MACROD2: variants seen among roughly 807,000 people sequenced by gnomAD.
MACROD2 encodes the protein mono-ADP ribosylhydrolase 2.
In MACROD2, 36 loss-of-function variants were observed where a neutral mutation model predicts 70.4. The ratio of observed to expected loss-of-function variants is 0.51; its 90% confidence interval spans 0.39 to 0.68. The LOEUF (loss-of-function observed/expected upper bound fraction) is 0.68. Ranked by LOEUF, MACROD2 falls within the 30% of genes least tolerant of loss-of-function variation. The pLI, the probability that MACROD2 is intolerant of heterozygous loss-of-function variation, is 0.00. For synonymous variants in MACROD2, 172 were observed against 178.8 expected, an observed-to-expected ratio of 0.96 and a Z score of 0.30; for missense variants, 496 against 538.4, an observed-to-expected ratio of 0.92 and a Z score of 0.78.
chr20:15,015,217 T>A (rs1356598748), intron 5 of MACROD2, among the ~76,000 whole-genome samples: 1 of 152,096 alleles, frequency 6.6e-6, no homozygotes, highest in Non-Finnish European at 1.5e-5. Context: ...AGTTTTTTTG[T>A]TTTATTTAAC....
intron 7 of MACROD2, among the ~76,000 whole-genome samples, chr20:15,472,984 C>T (rs1294904942): frequency 6.6e-6 from 1 of 152,168 alleles, no homozygotes; most frequent in Non-Finnish European, 1.5e-5. Flanking sequence ...TGCCCCTAAA[C>T]TCCTAAAACA....
chr20:14,653,114 G>C (rs1261834948), intron 4 of MACROD2, among the ~76,000 whole-genome samples: 2 of 151,348 alleles, frequency 1.3e-5, no homozygotes, highest in Admixed American at 1.3e-4. Context: ...GCAATGGCGT[G>C]ATCATGGCTC....
At chr20:15,212,259 G>A (rs1034953506) in intron 5 of MACROD2, among the ~76,000 whole-genome samples, 1 of 151,902 alleles carries the variant, frequency 6.6e-6, no homozygotes, top group African/African-American at 2.4e-5. Flanking sequence ...TCACTTTTTG[G>A]CTTATTTTAG....
intron 8 of MACROD2, among the ~76,000 whole-genome samples, chr20:15,551,347 A>C (rs1462297036): frequency 3.3e-5 from 5 of 151,856 alleles, no homozygotes; most frequent in Non-Finnish European, 7.4e-5. Flanking sequence ...TAAAAAAAAA[A>C]AAAAACTACA....
intron 5 of MACROD2, among the ~76,000 whole-genome samples, chr20:14,721,872 C>A (rs1284558173): frequency 6.6e-6 from 1 of 152,194 alleles, no homozygotes; most frequent in African/African-American, 2.4e-5. Flanking sequence ...TCTAACCATG[C>A]AGTGACCTCT....
chr20:15,936,196 C>T (rs1601167182), intron 11 of MACROD2, among the ~76,000 whole-genome samples: 1 of 146,828 alleles, frequency 6.8e-6, no homozygotes, highest in Admixed American at 6.8e-5. Flanking sequence ...ATAAATATAC[C>T]ATATATGTAT....
intron 8 of MACROD2, among the ~76,000 whole-genome samples, chr20:15,752,250 C>T (rs546319609): frequency 2.0e-5 from 3 of 152,146 alleles, no homozygotes; most frequent in Non-Finnish European, 4.4e-5. Context: ...GGAAAATATA[C>T]CAGTTTCCTT....
intron 5 of MACROD2, among the ~76,000 whole-genome samples, chr20:15,126,111 C>CTTTTTTTTTTTTTTTTTT (rs5840654): frequency 1.0e-5 from 1 of 98,822 alleles, no homozygotes; most frequent in Non-Finnish European, 2.0e-5. Flanking sequence ...ATTGTTTCAA[C>CTTTTTTTTTTTTTTTTTT]TTTTTTTTTT....
chr20:15,709,452 G>C (rs982751428), intron 8 of MACROD2, among the ~76,000 whole-genome samples: 1 of 152,086 alleles, frequency 6.6e-6, no homozygotes, highest in Non-Finnish European at 1.5e-5. Flanking sequence ...CTTGAGACTA[G>C]GAGTTTGAGA....
intron 3 of MACROD2, among the ~76,000 whole-genome samples, chr20:14,228,406 C>T (rs966055370): frequency 4.0e-5 from 6 of 149,764 alleles, no homozygotes; most frequent in East Asian, 2.0e-4. Context: ...GGCGTGATCT[C>T]GGCTCACTGC....
chr20:15,904,022 A>C (rs1313878446), intron 10 of MACROD2, among the ~76,000 whole-genome samples: 1 of 152,204 alleles, frequency 6.6e-6, no homozygotes, highest in Non-Finnish European at 1.5e-5. Context: ...TCCAGAATAG[A>C]AGTTGTACCC....
intron 13 of MACROD2, among the ~76,000 whole-genome samples, chr20:15,969,043 A>G (rs1158400994): frequency 6.6e-6 from 1 of 151,744 alleles, no homozygotes; most frequent in East Asian, 1.9e-4. Flanking sequence ...AAAGGCAATG[A>G]CCCCGATAAA....
intron 6 of MACROD2, among the ~76,000 whole-genome samples, chr20:15,276,228 A>G (rs550512955): frequency 1.2e-4 from 18 of 152,030 alleles, no homozygotes; most frequent in Admixed American, 2.6e-4. Flanking sequence ...GTGAAACCCC[A>G]TCTCTACTAA....
At chr20:14,796,787 A>G (rs972117921) in intron 5 of MACROD2, among the ~76,000 whole-genome samples, 2 of 152,024 alleles carry the variant, frequency 1.3e-5, no homozygotes, top group South Asian at 2.1e-4. Context: ...GCTTTACCAA[A>G]TTTGTGAACT....
intron 3 of MACROD2, among the ~76,000 whole-genome samples, chr20:14,410,217 C>T (rs1453010823): frequency 1.9e-4 from 25 of 134,372 alleles, no homozygotes; most frequent in Non-Finnish European, 2.4e-4. Context: ...GTTTGCATTT[C>T]TTTTTTTTTT....
At chr20:15,118,002 C>T (rs1325811948) in intron 5 of MACROD2, among the ~76,000 whole-genome samples, 1 of 151,960 alleles carries the variant, frequency 6.6e-6, no homozygotes, top group Admixed American at 6.6e-5. Context: ...TTTTGTGGCT[C>T]TGAAAGATAT....
At chr20:15,499,917 G>T in intron 8 of MACROD2, 70 bp downstream of exon 8, 1 of 1,459,772 alleles carries the variant, frequency 6.9e-7, no homozygotes, top group Admixed American at 1.7e-5. Context: ...CCCCAAAAAA[G>T]CACATAAATT....
chr20:15,814,427 T>C (rs911219439), intron 8 of MACROD2, among the ~76,000 whole-genome samples: 2 of 152,188 alleles, frequency 1.3e-5, no homozygotes, highest in African/African-American at 4.8e-5. Flanking sequence ...CTTTCTCTTA[T>C]ACACCACATC....
At chr20:14,876,759 T>C (rs1307556212) in intron 5 of MACROD2, among the ~76,000 whole-genome samples, 1 of 152,078 alleles carries the variant, frequency 6.6e-6, no homozygotes, top group African/African-American at 2.4e-5. Flanking sequence ...CTTTGTTGTA[T>C]GTCAAATGGT....
Sources: allele counts gnomAD v4.1 joint callset (sites outside exome capture counted in the v4.1 genomes callset), GRCh38; gene constraint gnomAD v4.1.1; transcripts MANE v1.5; gene names NCBI Gene and HGNC (gene_info 2026-07-23, HGNC 2026-07-21).